PPFIBP1: variants seen among roughly 807,000 people sequenced by gnomAD.
PPFIBP1 encodes liprin-beta-1.
A neutral mutation model predicts 137.8 loss-of-function variants in PPFIBP1; 112 were observed. The ratio of observed to expected loss-of-function variants is 0.81; its 90% CI spans 0.70 to 0.95. The LOEUF is 0.95. PPFIBP1 is among the 40% of genes least tolerant of loss of function. The pLI is 0.00. For synonymous variants in PPFIBP1, 378 were observed against 417.3 expected (o/e 0.91, Z 1.15); for missense variants, 1,083 against 1,196.6 (o/e 0.91, Z 1.40).
rs572099366 is a variant in PPFIBP1, at chr12:27,664,566, T to G, written c.991+120T>G. The G allele has an allele frequency of 3.0e-5, 21 of 693,220 alleles. No individual in the cohort carries two copies. In the East Asian group the frequency reaches 5.5e-4, roughly 18 times the overall value. 42.9% of individuals were successfully genotyped at this position (693,220 alleles called of 1,614,324 possible). A position where few individuals can be genotyped will look rare whatever the true frequency, so the allele number is the denominator to read the frequency against. On this transcript the variant is annotated intron_variant, in intron 12 of 29. Transcript: ENST00000228425. ...CATTGTCCCAAATTAGGTAGCTAAT[T>G]CGTTAATTGAACAATTAGGCAACTG... is the stretch of plus-strand genomic sequence containing the variant.
At chr12:27,550,238 G>A (rs961849025) in intron 1 of PPFIBP1, among the ~76,000 whole-genome samples, 1 of 152,172 alleles carries the variant, frequency 6.6e-6, no homozygotes, top group African/African-American at 2.4e-5. Flanking sequence ...CTCCGGGTGG[G>A]GTGTTTGAAG....
At chr12:27,600,710 C>A (rs1348524779) in intron 2 of PPFIBP1, among the ~76,000 whole-genome samples, 1 of 151,982 alleles carries the variant, frequency 6.6e-6, no homozygotes, top group Non-Finnish European at 1.5e-5. Flanking sequence ...ATCATTTTAC[C>A]TTTGAGGACA....
At chr12:27,687,992 G>A (rs1403168258) in intron 25 of PPFIBP1, among the ~76,000 whole-genome samples, 1 of 152,060 alleles carries the variant, frequency 6.6e-6, no homozygotes, top group Admixed American at 6.5e-5. Context: ...GGCTGAGGTA[G>A]GAGGATCCGT....
rs772242668 is a variant in PPFIBP1 at position 27,689,027 on chromosome 12, C to A, written c.2509C>A (p.Arg837Ser). 1 of 1,611,882 alleles carries A rather than the reference C, an allele frequency of 6.2e-7. No homozygotes were observed. The change falls in exon 27 of 30, where the codon CGT (arginine) becomes AGT (serine). Residue 837 changes from arginine to serine, a missense_variant. Arg to Ser is a moderately radical substitution (Grantham distance 110). Transcript: ENST00000228425. ...TTTCTTTAAACAGGTTCTAGAGCCT[C>A]GTTTTAACGTAGAAACAATGGCTCA... ...VHGGLMVLEP[R>S]FNVETMAQLL...
chr12:27,613,710 A>G (rs1179237990), intron 2 of PPFIBP1, among the ~76,000 whole-genome samples: 1 of 151,980 alleles, frequency 6.6e-6, no homozygotes. Flanking sequence ...CTCAAAAAAA[A>G]AAAAAAAGAA....
At chr12:27,563,077 C>T (rs1391503794) in intron 1 of PPFIBP1, among the ~76,000 whole-genome samples, 1 of 150,438 alleles carries the variant, frequency 6.6e-6, no homozygotes, top group Admixed American at 6.6e-5. Flanking sequence ...AATCAGCTGA[C>T]CTTAGGTTGG....
At chr12:27,674,445 G>A (rs1243224846) in intron 17 of PPFIBP1, among the ~76,000 whole-genome samples, 2 of 152,040 alleles carry the variant, frequency 1.3e-5, no homozygotes, top group Non-Finnish European at 2.9e-5. Context: ...AGTGGTAAGA[G>A]GTGGGAAAAA....
intron 1 of PPFIBP1, chr12:27,549,563 T>TAAAAAAAA (rs529113016): frequency 7.9e-6 from 1 of 126,390 alleles, no homozygotes. Context: ...GAACCAGAAT[T>TAAAAAAAA]AAAAAAAAAA....
intron 9 of PPFIBP1, among the ~76,000 whole-genome samples, chr12:27,657,344 A>G (rs939925738): frequency 1.3e-5 from 2 of 152,088 alleles, no homozygotes; most frequent in Admixed American, 6.6e-5. Flanking sequence ...GATAGAAAAT[A>G]GCCCGAATGA....
rs201884066 is a variant in PPFIBP1 at position 27,631,958 on chromosome 12, G to C, written c.-35-1404G>C. Reference sequence around the variant, plus strand: ...AATATGTGTCCTGCTTCTTTGGATGGTGCACTGGCTGAGTGTGTGAATAAA... The same window carrying C: ...AATATGTGTCCTGCTTCTTTGGATGCTGCACTGGCTGAGTGTGTGAATAAA... On this transcript the variant is annotated intron_variant, in intron 2 of 29. Coordinates refer to ENST00000228425, the MANE Select transcript of PPFIBP1 (RefSeq NM_003622.4). Among the ~76,000 whole-genome samples, 16 of 151,732 alleles carry C rather than the reference G, an allele frequency of 1.1e-4. 1 individual carries two copies. The East Asian group carries it at 3.1e-3, about 29-fold the overall frequency.
chr12:27,672,380 CT>C, intron 14 of PPFIBP1, 46 bp from the exon 15 acceptor site: 2 of 1,458,856 alleles, frequency 1.4e-6, no homozygotes, highest in Non-Finnish European at 1.9e-6. Flanking sequence ...CATATATGGT[CT>C]TTTATTCGTG....
intron 7 of PPFIBP1, among the ~76,000 whole-genome samples, chr12:27,653,643 T>C (rs1427065902): frequency 6.6e-6 from 1 of 150,984 alleles, no homozygotes; most frequent in Non-Finnish European, 1.5e-5. Context: ...ATAGTAACCA[T>C]TGTAGGGATC....
intron 1 of PPFIBP1, among the ~76,000 whole-genome samples, chr12:27,561,245 C>G (rs1450355870): frequency 2.6e-5 from 4 of 152,166 alleles, no homozygotes; most frequent in Non-Finnish European, 5.9e-5. Context: ...TTTCTGTCTT[C>G]TTCATGGTCA....
intron 1 of PPFIBP1, among the ~76,000 whole-genome samples, chr12:27,530,383 C>T (rs972587037): frequency 7.9e-5 from 12 of 152,126 alleles, no homozygotes; most frequent in Non-Finnish European, 1.5e-5. Context: ...GTGAAGTCAC[C>T]TGAATCTCGG....
chr12:27,557,678 A>G (rs1688400456), intron 1 of PPFIBP1, among the ~76,000 whole-genome samples: 1 of 152,206 alleles, frequency 6.6e-6, no homozygotes, highest in Non-Finnish European at 1.5e-5. Flanking sequence ...TCTTTTGAAC[A>G]TCAGCTTTTA....
chr12:27,670,417 C>T (rs571469614), intron 13 of PPFIBP1, among the ~76,000 whole-genome samples: 6 of 152,258 alleles, frequency 3.9e-5, no homozygotes, highest in African/African-American at 1.4e-4. Context: ...AACTAGTACA[C>T]ACATAGAATA....
chr12:27,589,396 C>T (rs1156805415), intron 2 of PPFIBP1, among the ~76,000 whole-genome samples: 2 of 152,148 alleles, frequency 1.3e-5, no homozygotes, highest in African/African-American at 2.4e-5. Context: ...CCTTGCGCCT[C>T]GGCCTTCCAA....
intron 24 of PPFIBP1, among the ~76,000 whole-genome samples, chr12:27,685,210 AGAGT>A (rs1199462264): frequency 6.0e-5 from 9 of 149,742 alleles, no homozygotes; most frequent in African/African-American, 1.3e-4. Context: ...GTAGATACAT[AGAGT>A]ATGTATATAT....
intron 2 of PPFIBP1, among the ~76,000 whole-genome samples, chr12:27,580,485 G>GT (rs1176011119): frequency 6.6e-6 from 1 of 152,110 alleles, no homozygotes; most frequent in Non-Finnish European, 1.5e-5. Flanking sequence ...CAAATCTGCT[G>GT]TAACAATTGA....
Sources: allele counts gnomAD v4.1 joint callset (sites outside exome capture counted in the v4.1 genomes callset), GRCh38; gene constraint gnomAD v4.1.1; transcripts MANE v1.5; gene names NCBI Gene and HGNC (gene_info 2026-07-23, HGNC 2026-07-21).